Variants in GNG2 observed in about 807,000 individuals in gnomAD.
GNG2 encodes the protein guanine nucleotide-binding protein G(I)/G(S)/G(O) subunit gamma-2.
Under a neutral mutation model 5.5 loss-of-function variants are expected in GNG2, and 5 were observed. The ratio of observed to expected loss-of-function variants is 0.91; its 90% confidence interval spans 0.48 to 1.92. The LOEUF is 1.92. Ranked by LOEUF, GNG2 falls within the 30% of genes most tolerant of loss-of-function variation. GNG2 has a pLI of 0.01. For synonymous variants in GNG2, 28 were observed against 32.0 expected, an observed-to-expected ratio of 0.88 and a Z score of 0.42; for missense variants, 55 against 88.4, an observed-to-expected ratio of 0.62 and a Z score of 1.52.
At chr14:51,941,352 A>G (rs1888307059) in intron 2 of GNG2, among the ~76,000 whole-genome samples, 1 of 152,256 alleles carries the variant, frequency 6.6e-6, no homozygotes, top group South Asian at 2.1e-4. Context: ...CTGACAAACA[A>G]GAATAATAAA....
intron 2 of GNG2, among the ~76,000 whole-genome samples, chr14:51,938,560 T>G (rs115243357): frequency 0.032 from 4,858 of 152,318 alleles, 182 homozygotes; most frequent in East Asian, 0.13. Flanking sequence ...ATTTTCTCAC[T>G]GTAAAACAGC....
intron 2 of GNG2, among the ~76,000 whole-genome samples, chr14:51,853,942 G>A (rs1231926964): frequency 1.3e-5 from 2 of 151,354 alleles, no homozygotes; most frequent in Non-Finnish European, 1.5e-5. Flanking sequence ...CCAGGCTGGA[G>A]TGCAGTGGCA....
Position 51,916,431 on chromosome 14 carries a change from G to A in GNG2, c.-29-34219G>A, listed in dbSNP as rs1464141168. On this transcript the variant is annotated intron_variant, in intron 2 of 3. Coordinates refer to ENST00000556766, the MANE Select transcript of GNG2 (RefSeq NM_053064.5). ...CCCACGAGGACCTATTTTGTACTAA[G>A]TTATTTCATATTTCGGTCTCTAGGA... 22 of 452,494 alleles carry A rather than the reference G, an allele frequency of 4.9e-5. No homozygotes were observed. The Admixed American group carries it at 5.3e-4, about 11-fold the overall frequency. The allele number at this position is 452,494 out of a possible 1,614,324, so 28.0% of individuals were successfully genotyped here. A position where few individuals can be genotyped will look rare whatever the true frequency, so the allele number is the denominator to read the frequency against.
chr14:51,863,889 G>A (rs1260638227), intron 1 of GNG2, among the ~76,000 whole-genome samples: 1 of 152,152 alleles, frequency 6.6e-6, no homozygotes, highest in East Asian at 1.9e-4. Flanking sequence ...ATATTCCATT[G>A]AATGTATAGA....
chr14:51,964,114 A>C (rs1889767289), intron 3 of GNG2, among the ~76,000 whole-genome samples: 1 of 152,186 alleles, frequency 6.6e-6, no homozygotes, highest in South Asian at 2.1e-4. Flanking sequence ...ATGCCACATA[A>C]AGACACAGAC....
In GNG2 at chr14:51,884,107, T is replaced by A. The variant is rs1041790769; in HGVS notation, c.-30+6450T>A. Reference sequence around the variant, plus strand: ...TTTTTCATCTCCTGGTTAATCTGTATCAAAAAGGTGAATATAAGTGCCATT... The same window carrying A: ...TTTTTCATCTCCTGGTTAATCTGTAACAAAAAGGTGAATATAAGTGCCATT... On this transcript the variant is annotated intron_variant, in intron 2 of 3. Transcript: ENST00000556766. Among the ~76,000 whole-genome samples, 3 of 152,148 alleles carry A rather than the reference T, an allele frequency of 2.0e-5. No individual in the cohort carries two copies. The South Asian group carries it at 6.2e-4, about 31-fold the overall frequency.
rs58544362 is a variant in GNG2 at position 51,881,701 on chromosome 14, C to CTTTTTTTTTTTT, written c.-30+4056_-30+4067dup. Reference sequence around the variant, plus strand: ...CATTTGACTTTTAGGAGCTGGAAGACTTTTTTTTTTTTTTTTTTTTTTTAA... The same window carrying CTTTTTTTTTTTT: ...CATTTGACTTTTAGGAGCTGGAAGACTTTTTTTTTTTTTTTTTTTTTTTTTTTTTTTTTTTAA... On this transcript the variant is annotated intron_variant, in intron 2 of 3. Transcript: ENST00000556766. Among the ~76,000 whole-genome samples the CTTTTTTTTTTTT allele has an allele frequency of 4.0e-3, 417 of 104,170 alleles. 8 individuals are homozygous for CTTTTTTTTTTTT. The highest frequency in any genetic ancestry group is 0.015 in the African/African-American group (402 of 26,826). The allele number at this position is 104,170 out of a possible 152,430, so 68.3% of individuals were successfully genotyped here.
intron 2 of GNG2, among the ~76,000 whole-genome samples, chr14:51,904,845 A>G (rs1276857725): frequency 6.6e-6 from 1 of 152,252 alleles, no homozygotes; most frequent in Non-Finnish European, 1.5e-5. Context: ...TTCTTCGGAA[A>G]GCACTTTGTG....
intron 2 of GNG2, among the ~76,000 whole-genome samples, chr14:51,882,638 T>C (rs913591795): frequency 1.3e-5 from 2 of 152,236 alleles, no homozygotes; most frequent in Admixed American, 6.5e-5. Flanking sequence ...TTTTTAAGTT[T>C]AAAAATTTAA....
At chr14:51,836,166 T>G (rs1881325155) in intron 2 of GNG2, among the ~76,000 whole-genome samples, 1 of 151,978 alleles carries the variant, frequency 6.6e-6, no homozygotes, top group Non-Finnish European at 1.5e-5. Flanking sequence ...CTCCTGTCTC[T>G]TATAAGGGCA....
chr14:51,908,591 A>G (rs189689537), intron 2 of GNG2, among the ~76,000 whole-genome samples: 2 of 151,096 alleles, frequency 1.3e-5, no homozygotes, highest in Non-Finnish European at 3.0e-5. Flanking sequence ...GAGAGAGAAG[A>G]GAGTGTCTCG....
chr14:51,900,727 G>A (rs1170258323), intron 2 of GNG2, among the ~76,000 whole-genome samples: 1 of 151,990 alleles, frequency 6.6e-6, no homozygotes, highest in Non-Finnish European at 1.5e-5. Flanking sequence ...GCAGAGCAGA[G>A]AGAAACTTTG....
chr14:51,899,120 T>A (rs918789825), intron 2 of GNG2, among the ~76,000 whole-genome samples: 1 of 152,106 alleles, frequency 6.6e-6, no homozygotes, highest in African/African-American at 2.4e-5. Flanking sequence ...CACCACCCTG[T>A]CTCTACAGCA....
intron 2 of GNG2, among the ~76,000 whole-genome samples, chr14:51,889,168 A>T (rs1884667592): frequency 6.9e-6 from 1 of 144,526 alleles, no homozygotes; most frequent in East Asian, 2.0e-4. Context: ...GCTGGAGTAC[A>T]TTGGAGCGAT....
rs184022731 is a variant in GNG2, at chr14:51,946,353, G to C, written c.-29-4297G>C. 6.9e-4 allele frequency among the ~76,000 whole-genome samples: 105 copies of C among 152,300 alleles called. 1 individual carries two copies. Among genetic ancestry groups the C allele is most frequent in the Non-Finnish European group, 5.9e-5 (4 of 68,022 alleles). On this transcript the variant is annotated intron_variant, in intron 2 of 3. Transcript: ENST00000556766. ...AATATTCAGATGTTGTCTGATGTAT[G>C]AAGAAAGTGGAAGAAAGAGAATATC...
intron 1 of GNG2, chr14:51,874,025 T>G (rs1427397638): frequency 2.0e-5 from 3 of 152,208 alleles, no homozygotes; most frequent in African/African-American, 7.2e-5. Flanking sequence ...GTGGAATTAC[T>G]GTAGGAGAAA....
In GNG2 at chr14:51,937,919, C is replaced by T. The variant is rs150531130; in HGVS notation, c.-29-12731C>T. On this transcript the variant is annotated intron_variant, in intron 2 of 3. Coordinates refer to ENST00000556766, the MANE Select transcript of GNG2 (RefSeq NM_053064.5). The stretch of plus-strand genomic sequence containing the variant: ...AGGGAGCAGCCAATTATGGAAGCCT[C>T]AGGTGCTAGGCTTGCAAGTTTATTC... Among the ~76,000 whole-genome samples, 184 of 152,254 alleles carry T rather than the reference C, an allele frequency of 1.2e-3. 1 individual carries two copies. Among genetic ancestry groups the T allele is most frequent in the Middle Eastern group, 0.01 (3 of 294 alleles).
intron 2 of GNG2, among the ~76,000 whole-genome samples, chr14:51,935,626 T>C (rs1448476857): frequency 6.6e-6 from 1 of 152,172 alleles, no homozygotes; most frequent in Non-Finnish European, 1.5e-5. Context: ...TTTAAGTCCT[T>C]TGTTCTGACA....
intron 2 of GNG2, among the ~76,000 whole-genome samples, chr14:51,888,563 T>A (rs1884619626): frequency 6.6e-6 from 1 of 152,186 alleles, no homozygotes; most frequent in Non-Finnish European, 1.5e-5. Flanking sequence ...CAAGTAATCT[T>A]CCTACCTCAG....
Sources: gnomAD v4.1 joint callset for allele counts (sites outside exome capture counted in the v4.1 genomes callset) on GRCh38, gnomAD v4.1.1 for gene constraint, MANE v1.5 for transcripts, NCBI Gene and HGNC (gene_info 2026-07-23, HGNC 2026-07-21) for gene names.